The following DNMT1 variants were observed in gnomAD, a reference collection of about 807,000 sequenced individuals.
DNMT1 encodes DNA (cytosine-5)-methyltransferase 1.
In DNMT1, 24 loss-of-function variants were observed where a neutral mutation model predicts 205.3. The observed-to-expected ratio is 0.12, with a 90% confidence interval of 0.08 to 0.16. The LOEUF (loss-of-function observed/expected upper bound fraction) is 0.16. Among genes scored for constraint, DNMT1 ranks in the 10% least tolerant of loss-of-function variants. DNMT1 has a pLI of 1.00. For synonymous variants in DNMT1, 817 were observed against 839.8 expected (o/e 0.97, Z 0.47); for missense variants, 1,293 against 2,177.7 (o/e 0.59, Z 8.09).
rs760653484 is a variant in DNMT1 at position 10,154,422 on chromosome 19, T to A, written c.1890A>T (p.Gly630=). The A allele has an allele frequency of 6.2e-7, 1 of 1,614,210 alleles. No individual in the cohort carries two copies. Among genetic ancestry groups the A allele is most frequent in the Non-Finnish European group, 8.5e-7 (1 of 1,180,036 alleles). ...IRHSTREKDR[G]PTKATTTKLV... ...GCTTGGTGGTGGTGGCTTTCGTGGG[T>A]CCCCTGTCCTTCTCCCTGGTAGAAT... The change falls in exon 22 of 41, where the codon GGA becomes GGT. Residue 630 remains glycine, a synonymous_variant. Transcript: ENST00000359526. This position sits in a 1 kb window ranked among gnomAD's most constrained non-coding sequence, Gnocchi z 6.3.
intron 5 of DNMT1, 96 bp from the exon 6 acceptor site, chr19:10,177,463 G>A: frequency 1.6e-6 from 2 of 1,215,964 alleles, no homozygotes; most frequent in South Asian, 2.7e-5. Flanking sequence ...CTAAGCTATT[G>A]CAGGAAGCCA....
chr19:10,160,221 C>A, intron 14 of DNMT1, 158 bp from the exon 15 acceptor site: 1 of 1,506,966 alleles, frequency 6.6e-7, no homozygotes, highest in Non-Finnish European at 9.0e-7. Context: ...CTCTTCACCG[C>A]AGGGGCATCC....
chr19:10,144,498 G>A (rs1239097389), intron 28 of DNMT1: 1 of 196,116 alleles, frequency 5.1e-6, no homozygotes, highest in African/African-American at 2.4e-5. Context: ...CTACGGTGGT[G>A]GCTGACACTG....
At chr19:10,153,523 G>C (rs1166732454) in intron 22 of DNMT1, among the ~76,000 whole-genome samples, 1 of 151,894 alleles carries the variant, frequency 6.6e-6, no homozygotes, top group Non-Finnish European at 1.5e-5. Flanking sequence ...TATAATCCCA[G>C]CCACTCGGGA....
intron 10 of DNMT1, among the ~76,000 whole-genome samples, chr19:10,167,065 TG>T (rs1238095902): frequency 1.3e-5 from 2 of 152,194 alleles, no homozygotes; most frequent in South Asian, 2.1e-4. Context: ...GACAGCTGAC[TG>T]CACACAGGGG....
chr19:10,172,494 C>T lies in DNMT1; in HGVS notation c.768+596G>A, dbSNP rs560787609. ...CTCATCAGCCAGAGAAGCAAGAAGG[C>T]GAGGTGACAAACTGAAGCTCTGTGA... On this transcript the variant is annotated intron_variant, in intron 9 of 40. Transcript: ENST00000359526. 1.9e-4 allele frequency among the ~76,000 whole-genome samples: 29 copies of T among 151,452 alleles called. No homozygotes were observed. The East Asian group carries it at 3.5e-3, about 18-fold the overall frequency.
chr19:10,175,547 T>C lies in DNMT1; in HGVS notation c.641A>G (p.Lys214Arg). Reference sequence around the variant, plus strand: ...TGAAAGCACTGGCCCTACCTGGTCTTTGTCTTCTTCCTTGATGGACTCATC... The same window carrying C: ...TGAAAGCACTGGCCCTACCTGGTCTCTGTCTTCTTCCTTGATGGACTCATC... ...KSDESIKEED[K>R]DQDEKRRRVT... Residue 214 changes from lysine to arginine, a missense_variant, in exon 7 of 41, where the codon AAA becomes AGA. Around this residue, in one of 13 missense-constraint regions of DNMT1, gnomAD observed 394 missense variants for 451.6 expected, o/e 0.87. Coordinates refer to ENST00000359526, the MANE Select transcript of DNMT1 (RefSeq NM_001130823.3). 1.2e-6 allele frequency: 2 copies of C among 1,614,108 alleles called. No individual in the cohort carries two copies. The highest frequency in any genetic ancestry group is 1.7e-6 in the Non-Finnish European group (2 of 1,180,000).
At chr19:10,134,664 G>A (rs1437801989) in intron 39 of DNMT1, among the ~76,000 whole-genome samples, 1 of 152,012 alleles carries the variant, frequency 6.6e-6, no homozygotes, top group Non-Finnish European at 1.5e-5. Context: ...GAGCAGCCTC[G>A]CCAACATGGT....
At chr19:10,169,416 G>C (rs1046605947) in intron 9 of DNMT1, among the ~76,000 whole-genome samples, 1 of 151,168 alleles carries the variant, frequency 6.6e-6, no homozygotes, top group Non-Finnish European at 1.5e-5. Flanking sequence ...AATTAGCCGG[G>C]CGTGTTGGCG....
At chr19:10,175,070 A>AATAC (rs1250252287) in intron 7 of DNMT1, among the ~76,000 whole-genome samples, 54 of 125,642 alleles carry the variant, frequency 4.3e-4, no homozygotes, top group African/African-American at 1.5e-3. Context: ...AAGAAGTCTA[A>AATAC]ATACATACAT....
chr19:10,180,637 T>C (rs1568254374), intron 3 of DNMT1, 68 bp from the exon 4 acceptor site: 3 of 1,537,844 alleles, frequency 2.0e-6, no homozygotes, highest in Middle Eastern at 3.4e-4. Context: ...AGGAAACACA[T>C]GTGTTTCCTT....
At chr19:10,175,661 T>G in intron 6 of DNMT1, 43 bp from the exon 7 acceptor site, 3 of 1,602,606 alleles carry the variant, frequency 1.9e-6, no homozygotes, top group Non-Finnish European at 2.6e-6. Context: ...AACAAGACCC[T>G]AGGCCTCCAG....
chr19:10,168,582 A>G (rs554502785), intron 9 of DNMT1, among the ~76,000 whole-genome samples: 1 of 152,176 alleles, frequency 6.6e-6, no homozygotes, highest in African/African-American at 2.4e-5. Flanking sequence ...CAAGACAGCA[A>G]TTTTCTTTTC....
chr19:10,149,802 T>C (rs2038297097), intron 25 of DNMT1, 51 bp downstream of exon 25: 1 of 1,609,072 alleles, frequency 6.2e-7, no homozygotes, highest in Non-Finnish European at 8.5e-7. Context: ...AGGCATCTCC[T>C]ACTTGATGAG....
At chr19:10,157,581 A>C (rs532215728) in intron 17 of DNMT1, among the ~76,000 whole-genome samples, 10 of 152,310 alleles carry the variant, frequency 6.6e-5, no homozygotes, top group Non-Finnish European at 1.2e-4. Flanking sequence ...CTATCCTCAG[A>C]GCCCCCATAT....
chr19:10,140,249 T>C lies in DNMT1; in HGVS notation c.3603A>G (p.Thr1201=), dbSNP rs1376299913. 6.2e-7 allele frequency: 1 copy of C among 1,614,016 alleles called. No individual in the cohort carries two copies. Among genetic ancestry groups the C allele is most frequent in the South Asian group, 1.1e-5 (1 of 91,082 alleles). ...QAFRLNNPGS[T]VFTEDCNILL... ...GGATGTTGCAGTCCTCTGTGAACACTGTGGAGCCGGGGTTGTTCAGCCGGA... is the reference window on the plus strand; with the variant it reads ...GGATGTTGCAGTCCTCTGTGAACACCGTGGAGCCGGGGTTGTTCAGCCGGA... The change falls in exon 33 of 41, where the codon ACA becomes ACG. Residue 1201 remains threonine, a synonymous_variant. Coordinates refer to ENST00000359526, the MANE Select transcript of DNMT1 (RefSeq NM_001130823.3). This position sits in a 1 kb window ranked among gnomAD's most constrained non-coding sequence, Gnocchi z 8.4.
chr19:10,133,869 T>G lies in DNMT1; in HGVS notation c.4865-168A>C, dbSNP rs1248553113. On this transcript the variant is annotated intron_variant, in intron 40 of 40. Transcript: ENST00000359526. The surrounding 1 kb of genome is among the most constrained non-coding windows in gnomAD (Gnocchi z 4.1). ...GGGAACGTTCACGGAGACTGAACAC[T>G]CCTCAAACGGTCCCCAGAGGGTTCT... Among the ~76,000 whole-genome samples, 2 of 152,126 alleles carry G rather than the reference T, an allele frequency of 1.3e-5. No homozygotes were observed. The highest frequency in any genetic ancestry group is 2.9e-5 in the Non-Finnish European group (2 of 68,022).
At position 10,179,939 on chromosome 19, in the gene DNMT1, G is replaced by A. The variant is rs554031007; in HGVS notation, c.493+248C>T. 1.4e-4 allele frequency: 25 copies of A among 181,818 alleles called. 1 individual carries two copies. In the South Asian group the frequency reaches 2.6e-3, roughly 19 times the overall value. The allele number at this position is 181,818 out of a possible 1,614,324, so 11.3% of individuals were successfully genotyped here. On this transcript the variant is annotated intron_variant, in intron 5 of 40. Transcript: ENST00000359526. ...TGGGAGGCGGAGGTTGCAGTGAGCCGAGATCGCGCCATTGCACTCTATCCT... is the reference window on the plus strand; with the variant it reads ...TGGGAGGCGGAGGTTGCAGTGAGCCAAGATCGCGCCATTGCACTCTATCCT...
At chr19:10,177,528 T>C (rs756078615) in intron 5 of DNMT1, among the ~76,000 whole-genome samples, 161 bp from the exon 6 acceptor site, 1 of 152,184 alleles carries the variant, frequency 6.6e-6, no homozygotes, top group African/African-American at 2.4e-5. Context: ...ACCAGCTTGC[T>C]AATGTTGGCA....
Sources: allele counts gnomAD v4.1 joint callset (sites outside exome capture counted in the v4.1 genomes callset), GRCh38; gene constraint gnomAD v4.1.1; regional missense constraint gnomAD v4.1.1; non-coding constraint Gnocchi (gnomAD v3.1); transcripts MANE v1.5; gene names NCBI Gene and HGNC (gene_info 2026-07-23, HGNC 2026-07-21).